The following NKD1 variants were observed in gnomAD, a reference collection of about 807,000 sequenced individuals.
NKD1 encodes protein naked cuticle homolog 1.
NKD1 carries 21 observed loss-of-function variants against 56.0 expected under a neutral mutation model. The observed-to-expected ratio is 0.38, with a 90% CI of 0.27 to 0.54. NKD1 has a LOEUF of 0.54. Ranked by LOEUF, NKD1 falls within the 20% of genes least tolerant of loss-of-function variation. The pLI is 0.82. For synonymous variants in NKD1, 263 were observed against 265.7 expected (o/e 0.99, Z 0.10); for missense variants, 578 against 642.7 (o/e 0.90, Z 1.09).
At chr16:50,618,823 G>A (rs1377158039) in intron 4 of NKD1, among the ~76,000 whole-genome samples, 2 of 152,138 alleles carry the variant, frequency 1.3e-5, no homozygotes, top group African/African-American at 4.8e-5. Context: ...GGTGAAGAGA[G>A]GACAATCCGG....
chr16:50,581,900 A>T (rs1429847460), intron 3 of NKD1, among the ~76,000 whole-genome samples: 1 of 152,122 alleles, frequency 6.6e-6, no homozygotes, highest in Admixed American at 6.5e-5. Context: ...GGCAGAGAGC[A>T]TGTTGCTGAT....
intron 3 of NKD1, among the ~76,000 whole-genome samples, chr16:50,599,696 T>C (rs1961552268): frequency 6.6e-6 from 1 of 152,178 alleles, no homozygotes; most frequent in African/African-American, 2.4e-5. Context: ...CAGTTTCCAC[T>C]GTAGAAATGC....
rs2151282247 is a variant in NKD1 at position 50,635,781 on chromosome 16, G to A, written c.*2000G>A. 6.6e-6 allele frequency: 1 copy of A among 152,390 alleles called. No individual in the cohort carries two copies. The highest frequency in any genetic ancestry group is 2.4e-5 in the African/African-American group (1 of 41,584). 9.4% of individuals were successfully genotyped at this position (152,390 alleles called of 1,614,324 possible). A position where few individuals can be genotyped will look rare whatever the true frequency, so the allele number is the denominator to read the frequency against. Reference sequence around the variant, plus strand: ...ACTCGATCCCTTCGCCACTGGTGCAGAGCTTAATCACGGCCATGGGCTGCC... The same window carrying A: ...ACTCGATCCCTTCGCCACTGGTGCAAAGCTTAATCACGGCCATGGGCTGCC... On this transcript the variant is annotated 3_prime_UTR_variant, in exon 10 of 10. Transcript: ENST00000268459. The surrounding 1 kb of genome is among the most constrained non-coding windows in gnomAD (Gnocchi z 4.1).
At chr16:50,609,275 G>A (rs1368481003) in intron 4 of NKD1, among the ~76,000 whole-genome samples, 2 of 152,268 alleles carry the variant, frequency 1.3e-5, no homozygotes, top group Admixed American at 6.5e-5. Context: ...TATAGAATGG[G>A]AACAAGGGCC....
At chr16:50,589,694 T>TTTCTCTTCTC (rs58760004) in intron 3 of NKD1, among the ~76,000 whole-genome samples, 38 of 120,666 alleles carry the variant, frequency 3.1e-4, no homozygotes, top group East Asian at 1.6e-3. Context: ...TTTCTTTTCT[T>TTTCTCTTCTC]TTCTCTTCTC....
intron 3 of NKD1, among the ~76,000 whole-genome samples, chr16:50,587,469 G>C (rs987265079): frequency 6.6e-6 from 1 of 152,106 alleles, no homozygotes; most frequent in African/African-American, 2.4e-5. Context: ...GTATTACTTT[G>C]GGGGGAAAAG....
chr16:50,551,860 C>T (rs1960393565), intron 3 of NKD1: 1 of 151,968 alleles, frequency 6.6e-6, no homozygotes, highest in Non-Finnish European at 1.5e-5. Flanking sequence ...TACAAGTGGT[C>T]AAAATTGTGA....
intron 4 of NKD1, among the ~76,000 whole-genome samples, chr16:50,620,353 G>C (rs752718972): frequency 1.3e-5 from 2 of 152,214 alleles, no homozygotes; most frequent in Non-Finnish European, 2.9e-5. Context: ...TGGGATCGGA[G>C]AGACACAAAT....
At chr16:50,600,388 A>T (rs1400500677) in intron 3 of NKD1, among the ~76,000 whole-genome samples, 1 of 152,040 alleles carries the variant, frequency 6.6e-6, no homozygotes, top group Non-Finnish European at 1.5e-5. Context: ...ACTTGAGCCC[A>T]GGAGTTGGAG....
intron 3 of NKD1, among the ~76,000 whole-genome samples, chr16:50,605,812 C>T (rs538374445): frequency 3.3e-5 from 5 of 152,170 alleles, no homozygotes; most frequent in Non-Finnish European, 7.3e-5. Context: ...TGCCTAGCAT[C>T]GTGCCTGACA....
intron 3 of NKD1, among the ~76,000 whole-genome samples, chr16:50,586,130 C>A (rs962967425): frequency 3.3e-5 from 5 of 152,206 alleles, no homozygotes; most frequent in African/African-American, 1.2e-4. Context: ...CTCAGCCCTG[C>A]TGCCTCCATG....
At chr16:50,570,573 T>C (rs1418493308) in intron 3 of NKD1, among the ~76,000 whole-genome samples, 1 of 152,254 alleles carries the variant, frequency 6.6e-6, no homozygotes, top group Non-Finnish European at 1.5e-5. Flanking sequence ...TCTCTGTTTC[T>C]TCATCTGTAA....
chr16:50,597,442 AT>A (rs1279359248), intron 3 of NKD1, among the ~76,000 whole-genome samples: 1 of 152,132 alleles, frequency 6.6e-6, no homozygotes, highest in Non-Finnish European at 1.5e-5. Context: ...AGTTATTATT[AT>A]TTTTTTCAGT....
Position 50,635,750 on chromosome 16 carries a change from T to A in NKD1, c.*1969T>A, listed in dbSNP as rs1438962813. The A allele has an allele frequency of 2.0e-5, 3 of 152,210 alleles. No individual in the cohort carries two copies. Among genetic ancestry groups the A allele is most frequent in the Non-Finnish European group, 4.4e-5 (3 of 68,062 alleles). The allele number at this position is 152,210 out of a possible 1,614,324, so 9.4% of individuals were successfully genotyped here. A position where few individuals can be genotyped will look rare whatever the true frequency, so the allele number is the denominator to read the frequency against. ...ACAGAGGGCGGAGCTGGAATTCTGG[T>A]CTCCCACTCGATCCCTTCGCCACTG... On this transcript the variant is annotated 3_prime_UTR_variant, in exon 10 of 10. Transcript: ENST00000268459. The surrounding 1 kb of genome is among the most constrained non-coding windows in gnomAD (Gnocchi z 4.1).
At chr16:50,595,409 C>G (rs1961451621) in intron 3 of NKD1, among the ~76,000 whole-genome samples, 1 of 152,150 alleles carries the variant, frequency 6.6e-6, no homozygotes, top group African/African-American at 2.4e-5. Flanking sequence ...GGGGCTGGGT[C>G]CTTCTTGCAG....
chr16:50,634,015 G>C lies in NKD1; in HGVS notation c.*234G>C, dbSNP rs1257665613. 9.6e-6 allele frequency: 4 copies of C among 417,226 alleles called. No homozygotes were observed. The East Asian group carries it at 1.2e-4, about 12-fold the overall frequency. 25.8% of individuals were successfully genotyped at this position (417,226 alleles called of 1,614,324 possible). A position where few individuals can be genotyped will look rare whatever the true frequency, so the allele number is the denominator to read the frequency against. On this transcript the variant is annotated 3_prime_UTR_variant, in exon 10 of 10. Coordinates refer to ENST00000268459, the MANE Select transcript of NKD1 (RefSeq NM_033119.5). The stretch of plus-strand genomic sequence containing the variant: ...TAGCCCAGGAAATGACTCTGGTTTT[G>C]AGTGGCCTGTAATGGGCAGAGGCTC...
At chr16:50,618,207 T>G (rs565175803) in intron 4 of NKD1, among the ~76,000 whole-genome samples, 2 of 152,094 alleles carry the variant, frequency 1.3e-5, no homozygotes, top group Non-Finnish European at 2.9e-5. Flanking sequence ...CTATAGTTCC[T>G]CAGACTTTCA....
rs535514712 is a variant in NKD1 at position 50,626,466 on chromosome 16, G to T, written c.462+886G>T. On this transcript the variant is annotated intron_variant, in intron 6 of 9. Coordinates refer to ENST00000268459, the MANE Select transcript of NKD1 (RefSeq NM_033119.5). ...GGTCCAGGGGAGGCCTCCTGAAGGA[G>T]GCGGCAAGGGAGCTGAGACATGCAG... 8.5e-5 allele frequency among the ~76,000 whole-genome samples: 13 copies of T among 152,198 alleles called. No individual in the cohort carries two copies. In the South Asian group the frequency reaches 2.7e-3, roughly 31 times the overall value.
At chr16:50,569,483 A>C (rs574502303) in intron 3 of NKD1, among the ~76,000 whole-genome samples, 1 of 152,038 alleles carries the variant, frequency 6.6e-6, no homozygotes, top group African/African-American at 2.4e-5. Context: ...TTGTTCTTAA[A>C]AGCTTCCACA....
Sources: gnomAD v4.1 joint callset for allele counts (sites outside exome capture counted in the v4.1 genomes callset) on GRCh38, gnomAD v4.1.1 for gene constraint, Gnocchi (gnomAD v3.1) non-coding constraint, MANE v1.5 for transcripts, NCBI Gene and HGNC (gene_info 2026-07-23, HGNC 2026-07-21) for gene names.